Variants in CASQ2 observed in about 807,000 individuals in gnomAD.
The protein encoded by CASQ2 is calsequestrin 2.
Under a neutral mutation model 46.5 loss-of-function variants are expected in CASQ2, and 49 were observed. The observed-to-expected ratio is 1.05, with a 90% CI of 0.84 to 1.34. The LOEUF (loss-of-function observed/expected upper bound fraction) is 1.34, where lower values mean the gene tolerates loss of function less well. Among genes scored for constraint, CASQ2 ranks in the 40% most tolerant of loss-of-function variants. CASQ2 has a pLI of 0.00. For missense variants in CASQ2, 486 were observed against 481.3 expected (o/e 1.01, Z -0.09); for synonymous variants, 174 against 168.5 (o/e 1.03, Z -0.25).
intron 3 of CASQ2, among the ~76,000 whole-genome samples, chr1:115,739,613 G>C (rs1461605305): frequency 6.6e-6 from 1 of 152,210 alleles, no homozygotes; most frequent in East Asian, 1.9e-4. Context: ...CATGAAATAT[G>C]AATGAGGAAA....
In CASQ2 at chr1:115,717,845, T is replaced by A; in HGVS notation, c.833A>T (p.Asp278Val). 1 of 1,609,124 alleles carries A rather than the reference T, an allele frequency of 6.2e-7. No individual in the cohort carries two copies. The highest frequency in any genetic ancestry group is 2.2e-5 in the East Asian group (1 of 44,866). ...GCAGGTTGAAGGTTTCCTACCTGGA[T>A]CACTCTTCTCTGCAAAGGCCACAAT... ...IHIVAFAEKS[D>V]PDGYEFLEIL... The change falls in exon 8 of 11, where the codon GAT (aspartate) becomes GTT (valine). Residue 278 changes from aspartate (D) to valine (V), a missense_variant. Transcript: ENST00000261448.
At chr1:115,768,229 A>G (rs1394647189) in intron 1 of CASQ2, 79 bp downstream of exon 1, 2 of 934,666 alleles carry the variant, frequency 2.1e-6, no homozygotes, top group Non-Finnish European at 3.6e-6. Context: ...CCTCGTTCCC[A>G]TATCCCAACC....
chr1:115,725,532 G>A lies in CASQ2; in HGVS notation c.759C>T (p.Arg253=), dbSNP rs1210277732. The A allele has an allele frequency of 2.5e-6, 4 of 1,609,126 alleles. No homozygotes were observed. Among genetic ancestry groups the A allele is most frequent in the Admixed American group, 3.4e-5 (2 of 59,468 alleles). ...CCCATGTTTCAAACATTTCTTCTGG[G>A]CGCAGGCGACGTAGAGTGGGTCTGG... ...EHQRPTLRRL[R]PEEMFETWED... is the part of the protein sequence containing the mutation. The change falls in exon 7 of 11, where the codon CGC becomes CGT. Residue 253 remains arginine, a synonymous_variant. Coordinates refer to ENST00000261448, the MANE Select transcript of CASQ2 (RefSeq NM_001232.4).
At chr1:115,754,228 C>T (rs17034481) in intron 1 of CASQ2, among the ~76,000 whole-genome samples, 4 of 152,124 alleles carry the variant, frequency 2.6e-5, no homozygotes, top group Middle Eastern at 3.4e-3. Context: ...AATGAAGGGA[C>T]GGCTATTTTA....
intron 1 of CASQ2, among the ~76,000 whole-genome samples, chr1:115,745,308 AC>A (rs751445092): frequency 2.0e-5 from 3 of 152,202 alleles, no homozygotes; most frequent in Non-Finnish European, 4.4e-5. Flanking sequence ...GAGTGGGAAC[AC>A]AAGAGGACCT....
intron 2 of CASQ2, among the ~76,000 whole-genome samples, chr1:115,743,307 A>C (rs1648260993): frequency 6.6e-6 from 1 of 151,998 alleles, no homozygotes; most frequent in Non-Finnish European, 1.5e-5. Context: ...ACAATCATGC[A>C]GGCAGAAGTC....
chr1:115,707,040 T>TC (rs1654386827), intron 8 of CASQ2, among the ~76,000 whole-genome samples: 1 of 151,714 alleles, frequency 6.6e-6, no homozygotes, highest in Non-Finnish European at 1.5e-5. Context: ...TAGTTCCTTT[T>TC]TTTTTTTTTG....
intron 1 of CASQ2, among the ~76,000 whole-genome samples, chr1:115,755,111 G>A (rs1226749768): frequency 2.6e-5 from 4 of 152,212 alleles, no homozygotes; most frequent in Non-Finnish European, 4.4e-5. Context: ...CTTTTATTGC[G>A]TAGCATTTTG....
chr1:115,735,163 C>T (rs1226363915), intron 4 of CASQ2, among the ~76,000 whole-genome samples: 3 of 152,128 alleles, frequency 2.0e-5, no homozygotes, highest in Non-Finnish European at 4.4e-5. Flanking sequence ...AAAAGTTCAT[C>T]ATATAAAGGT....
intron 7 of CASQ2, 147 bp downstream of exon 7, chr1:115,725,361 C>G: frequency 1.1e-6 from 1 of 932,684 alleles, no homozygotes. Flanking sequence ...GCCGTCGTAC[C>G]CAATCTGTCC....
At position 115,729,482 on chromosome 1, in the gene CASQ2, A is replaced by C. The variant is rs570151520; in HGVS notation, c.607-2360T>G. ...CCTACTGAACCCAAGGCATTATTCC[A>C]GGAGGAGATCTGGTTCATGGGTATT... On this transcript the variant is annotated intron_variant, in intron 5 of 10. Transcript: ENST00000261448. Among the ~76,000 whole-genome samples, 57 of 152,322 alleles carry C rather than the reference A, an allele frequency of 3.7e-4. 1 individual carries two copies. The highest frequency in any genetic ancestry group is 1.4e-3 in the African/African-American group (57 of 41,582).
rs80057683 is a variant in CASQ2 at position 115,701,545 on chromosome 1, C to T, written c.1015-119G>A. 0.21 allele frequency: 151,549 copies of T among 730,674 alleles called. 16,346 individuals carry two copies. Among genetic ancestry groups the T allele is most frequent in the South Asian group, 0.25 (17,148 of 67,598 alleles). The allele number at this position is 730,674 out of a possible 1,614,324, so 45.3% of individuals were successfully genotyped here. On this transcript the variant is annotated intron_variant, in intron 10 of 10. Transcript: ENST00000261448. ...CCGACTCTCTTACACTTATTAGGAA[C>T]GTGCACATTGTTAAATGGAAATGCC...
chr1:115,744,775 G>T, intron 2 of CASQ2, 53 bp downstream of exon 2: 1 of 1,221,538 alleles, frequency 8.2e-7, no homozygotes. Context: ...TTTTCCTTTT[G>T]CAAGACACAT....
intron 7 of CASQ2, among the ~76,000 whole-genome samples, chr1:115,720,591 G>A (rs1399783926): frequency 1.3e-5 from 2 of 152,156 alleles, no homozygotes; most frequent in Non-Finnish European, 2.9e-5. Flanking sequence ...TTGGATCAAT[G>A]GCTCTTAAGT....
chr1:115,750,910 C>CGCACCTACAGGATGTAGGTATGTATT (rs1403882317), intron 1 of CASQ2, among the ~76,000 whole-genome samples: 1 of 152,204 alleles, frequency 6.6e-6, no homozygotes, highest in Non-Finnish European at 1.5e-5. Context: ...AGGTATGTAT[C>CGCACCTACAGGATGTAGGTATGTATT]GCACCTAATG....
At chr1:115,717,439 C>T (rs570706110) in intron 8 of CASQ2, among the ~76,000 whole-genome samples, 1 of 152,282 alleles carries the variant, frequency 6.6e-6, no homozygotes, top group South Asian at 2.1e-4. Context: ...ATTTTCCAGG[C>T]CCTCACCTTC....
intron 1 of CASQ2, among the ~76,000 whole-genome samples, chr1:115,749,132 C>T (rs894676687): frequency 6.6e-6 from 1 of 152,190 alleles, no homozygotes; most frequent in Non-Finnish European, 1.5e-5. Context: ...GCTCTTTAAG[C>T]CCCTCTCTCT....
chr1:115,753,399 T>C (rs1217916322), intron 1 of CASQ2, among the ~76,000 whole-genome samples: 2 of 152,066 alleles, frequency 1.3e-5, no homozygotes, highest in African/African-American at 4.8e-5. Context: ...GGTGGTCATA[T>C]CAAATGTTGC....
rs539653153 is a variant in CASQ2 at position 115,730,392 on chromosome 1, C to T, written c.606+2509G>A. Reference sequence around the variant, plus strand: ...CTGTCTTTCCATCTTCTCTTTCCCACAATAAACTTTAAATTCTAAAGGGCA... The same window carrying T: ...CTGTCTTTCCATCTTCTCTTTCCCATAATAAACTTTAAATTCTAAAGGGCA... On this transcript the variant is annotated intron_variant, in intron 5 of 10. Transcript: ENST00000261448. Among the ~76,000 whole-genome samples, 27 of 152,244 alleles carry T rather than the reference C, an allele frequency of 1.8e-4. No homozygotes were observed. The South Asian group carries it at 4.4e-3, about 25-fold the overall frequency.
Sources: gnomAD v4.1 joint callset for allele counts (sites outside exome capture counted in the v4.1 genomes callset) on GRCh38, gnomAD v4.1.1 for gene constraint, MANE v1.5 for transcripts, NCBI Gene and HGNC (gene_info 2026-07-23, HGNC 2026-07-21) for gene names.